The following ECHDC1 variants were observed in gnomAD, a reference collection of about 807,000 sequenced individuals.
The protein encoded by ECHDC1 is ethylmalonyl-CoA decarboxylase 1, also known as ethylmalonyl-CoA decarboxylase.
A neutral mutation model predicts 29.7 loss-of-function variants in ECHDC1; 29 were observed. The observed-to-expected ratio is 0.98, with a 90% CI of 0.73 to 1.33. The LOEUF is 1.33. ECHDC1 is among the 40% of genes most tolerant of loss of function. ECHDC1 has a pLI of 0.00. For missense variants in ECHDC1, 328 were observed against 350.0 expected, an observed-to-expected ratio of 0.94 and a Z score of 0.50; for synonymous variants, 126 against 123.1, an observed-to-expected ratio of 1.02 and a Z score of -0.15.
At chr6:127,303,699 AT>A (rs1267097079) in intron 5 of ECHDC1, among the ~76,000 whole-genome samples, 1 of 152,240 alleles carries the variant, frequency 6.6e-6, no homozygotes, top group East Asian at 1.9e-4. Context: ...AGCTAGGGTT[AT>A]TGATGAAGGT....
Position 127,290,280 on chromosome 6 carries a change from G to C in ECHDC1, c.498-3C>G. The C allele has an allele frequency of 6.2e-7, 1 of 1,600,624 alleles. No individual in the cohort carries two copies. Among genetic ancestry groups the C allele is most frequent in the Admixed American group, 1.8e-5 (1 of 56,394 alleles). On this transcript the variant is annotated splice_region_variant and splice_polypyrimidine_tract_variant and intron_variant, in intron 5 of 5. Coordinates refer to ENST00000454859, the MANE Select transcript of ECHDC1 (RefSeq NM_001002030.2). ...TCTTACTCTCTGGAGTCATTAACCT[G>C]TAAAAGAAAAAAGAAAAGCTTAATT...
chr6:127,316,610 T>G, intron 3 of ECHDC1, 108 bp from the exon 4 acceptor site: 1 of 832,072 alleles, frequency 1.2e-6, no homozygotes. Context: ...ATGTCTTTTT[T>G]AAACAATGAC....
chr6:127,300,905 G>A (rs1164329755), intron 5 of ECHDC1, among the ~76,000 whole-genome samples: 7 of 152,174 alleles, frequency 4.6e-5, no homozygotes, highest in Admixed American at 4.6e-4. Context: ...AGCAGCAATA[G>A]AAAACTACAT....
At chr6:127,332,829 T>C (rs1429647779) in intron 1 of ECHDC1, among the ~76,000 whole-genome samples, 1 of 102,582 alleles carries the variant, frequency 9.7e-6, no homozygotes, top group Non-Finnish European at 2.1e-5. Flanking sequence ...CTCTCCTTTG[T>C]TGCCCAGGCT....
chr6:127,296,990 C>T (rs960601183), intron 5 of ECHDC1, among the ~76,000 whole-genome samples: 10 of 151,168 alleles, frequency 6.6e-5, no homozygotes, highest in Non-Finnish European at 1.0e-4. Context: ...CTGGGTGAGA[C>T]AGAGCAAGAC....
chr6:127,290,108 C>T lies in ECHDC1; in HGVS notation c.667G>A (p.Val223Ile). The change falls in exon 6 of 6, where the codon GTT becomes ATT. Residue 223 changes from valine (V) to isoleucine (I), a missense_variant. Coordinates refer to ENST00000454859, the MANE Select transcript of ECHDC1 (RefSeq NM_001002030.2). ...DSKNALNIGM[V>I]EEVLQSSDET... ...TCTGAAGACTGCAAGACCTCTTCAA[C>T]CATTCCTATGTTTAGAGCATTTTTT... 6.2e-7 allele frequency: 1 copy of T among 1,613,700 alleles called. No homozygotes were observed. Among genetic ancestry groups the T allele is most frequent in the Non-Finnish European group, 8.5e-7 (1 of 1,179,746 alleles).
At chr6:127,323,370 A>T (rs578258721) in intron 3 of ECHDC1, among the ~76,000 whole-genome samples, 2 of 152,248 alleles carry the variant, frequency 1.3e-5, no homozygotes, top group East Asian at 3.9e-4. Flanking sequence ...AACCGTTCAG[A>T]TACATCACAA....
At chr6:127,314,207 A>C (rs1367687293) in intron 5 of ECHDC1, among the ~76,000 whole-genome samples, 1 of 152,236 alleles carries the variant, frequency 6.6e-6, no homozygotes, top group Non-Finnish European at 1.5e-5. Flanking sequence ...GTACTGAGAA[A>C]GCAGTTTAAA....
chr6:127,305,757 T>C (rs1309559711), intron 5 of ECHDC1, among the ~76,000 whole-genome samples: 1 of 152,158 alleles, frequency 6.6e-6, no homozygotes, highest in Admixed American at 6.6e-5. Context: ...GATAAGATAG[T>C]ATTTGCAAGC....
intron 5 of ECHDC1, among the ~76,000 whole-genome samples, chr6:127,299,323 G>A (rs1780871214): frequency 6.6e-6 from 1 of 151,974 alleles, no homozygotes; most frequent in Non-Finnish European, 1.5e-5. Context: ...CCCTGAAGAT[G>A]TTCCAGTGGG....
At chr6:127,336,632 T>C (rs935018216) in intron 1 of ECHDC1, among the ~76,000 whole-genome samples, 2 of 152,218 alleles carry the variant, frequency 1.3e-5, no homozygotes, top group Non-Finnish European at 2.9e-5. Context: ...GGACAAATTC[T>C]GTGGTTGAGA....
chr6:127,290,385 T>C (rs1050232930), intron 5 of ECHDC1, 108 bp from the exon 6 acceptor site: 3 of 1,131,496 alleles, frequency 2.7e-6, no homozygotes, highest in Admixed American at 2.8e-5. Context: ...TCTTTATAGG[T>C]AGGTATATTA....
At chr6:127,324,286 C>G (rs776463766) in intron 3 of ECHDC1, among the ~76,000 whole-genome samples, 4 of 152,094 alleles carry the variant, frequency 2.6e-5, no homozygotes, top group Non-Finnish European at 5.9e-5. Flanking sequence ...GTTACAGTAG[C>G]TCCCTCTAGT....
intron 3 of ECHDC1, among the ~76,000 whole-genome samples, chr6:127,323,488 G>A (rs1282770071): frequency 1.3e-5 from 2 of 151,902 alleles, no homozygotes; most frequent in African/African-American, 2.4e-5. Context: ...TTTCAGATAC[G>A]GTGCTAGTAG....
chr6:127,290,936 T>C (rs917903944), intron 5 of ECHDC1, among the ~76,000 whole-genome samples: 8 of 152,084 alleles, frequency 5.3e-5, no homozygotes, highest in Non-Finnish European at 8.8e-5. Flanking sequence ...TGTGCTATTT[T>C]CGATGAAGAA....
intron 5 of ECHDC1, among the ~76,000 whole-genome samples, chr6:127,311,013 ATGCTAT>A (rs1294396598): frequency 1.3e-5 from 2 of 152,186 alleles, no homozygotes; most frequent in South Asian, 2.1e-4. Context: ...TTCAAACATA[ATGCTAT>A]TACATACTTA....
chr6:127,316,300 T>C, intron 4 of ECHDC1, 150 bp downstream of exon 4: 3 of 608,952 alleles, frequency 4.9e-6, no homozygotes, highest in Non-Finnish European at 8.7e-6. Context: ...ATTAAATGAT[T>C]ATCCTCTACG....
chr6:127,318,847 TC>T (rs1782607134), intron 3 of ECHDC1, among the ~76,000 whole-genome samples: 2 of 152,250 alleles, frequency 1.3e-5, no homozygotes, highest in African/African-American at 2.4e-5. Flanking sequence ...GGAAGGAATT[TC>T]CTAATCCAAA....
intron 5 of ECHDC1, among the ~76,000 whole-genome samples, chr6:127,300,109 T>C (rs1780942283): frequency 6.6e-6 from 1 of 152,204 alleles, no homozygotes; most frequent in Non-Finnish European, 1.5e-5. Flanking sequence ...CATAATGTGT[T>C]CCTATCATTA....
Sources: allele counts gnomAD v4.1 joint callset (sites outside exome capture counted in the v4.1 genomes callset), GRCh38; gene constraint gnomAD v4.1.1; transcripts MANE v1.5; gene names NCBI Gene and HGNC (gene_info 2026-07-23, HGNC 2026-07-21).